The following CCT8 variants were observed in gnomAD, a reference collection of about 807,000 sequenced individuals.
CCT8 encodes chaperonin containing TCP1 subunit 8, also known as T-complex protein 1 subunit theta.
A neutral mutation model predicts 65.7 loss-of-function variants in CCT8; 10 were observed. The ratio of observed to expected loss-of-function variants is 0.15; its 90% CI spans 0.09 to 0.26. CCT8 has a LOEUF of 0.26. Among genes scored for constraint, CCT8 ranks in the 10% least tolerant of loss-of-function variants. CCT8 has a pLI of 1.00. For missense variants in CCT8, 568 were observed against 669.1 expected, an observed-to-expected ratio of 0.85 and a Z score of 1.67; for synonymous variants, 199 against 221.8, an observed-to-expected ratio of 0.90 and a Z score of 0.92.
chr21:29,062,430 C>T lies in CCT8; in HGVS notation c.1009-15G>A, dbSNP rs1374376588. On this transcript the variant is annotated splice_polypyrimidine_tract_variant and intron_variant, in intron 9 of 14. Coordinates refer to ENST00000286788, the MANE Select transcript of CCT8 (RefSeq NM_006585.4). ...ACAGGAGGTGTCTGTAAGAAAGTGACTGTTGTAATAAAAATTCCATCTTGT... is the reference window on the plus strand; with the variant it reads ...ACAGGAGGTGTCTGTAAGAAAGTGATTGTTGTAATAAAAATTCCATCTTGT... 1 of 1,612,028 alleles carries T rather than the reference C, an allele frequency of 6.2e-7. No homozygotes were observed. The highest frequency in any genetic ancestry group is 8.5e-7 in the Non-Finnish European group (1 of 1,178,162).
At chr21:29,057,345 A>C (rs1478043447) in intron 14 of CCT8, among the ~76,000 whole-genome samples, 1 of 151,342 alleles carries the variant, frequency 6.6e-6, no homozygotes, top group Non-Finnish European at 1.5e-5. Context: ...CTAAGTTTTT[A>C]CTTTTAGTAG....
Position 29,073,556 on chromosome 21 carries a change from G to A in CCT8, c.35C>T (p.Ala12Val), listed in dbSNP as rs775205255. ...TTTCGCTCCCTCCTTGAGCATCTGG[G>A]CAAAGCCCGGAGCCTTGGGAACGTG... ...ALHVPKAPGFAQMLKEGAKHF... is the reference protein window; with the variant it reads ...ALHVPKAPGFVQMLKEGAKHF... The change falls in exon 1 of 15, where the codon GCC becomes GTC. Residue 12 changes from alanine (A) to valine (V), a missense_variant. Transcript: ENST00000286788. The A allele has an allele frequency of 2.5e-6, 4 of 1,614,138 alleles. No homozygotes were observed. The South Asian group carries it at 3.3e-5, about 13-fold the overall frequency.
rs1484544028 is a variant in CCT8 at position 29,064,948 on chromosome 21, A to G, written c.762+20T>C. ...AAGTGCAACCCCAATTATTACTTTT[A>G]AGGTTTGAAGTCTACATACCTTAGT... On this transcript the variant is annotated intron_variant, in intron 7 of 14. Coordinates refer to ENST00000286788, the MANE Select transcript of CCT8 (RefSeq NM_006585.4). 3 of 1,609,112 alleles carry G rather than the reference A, an allele frequency of 1.9e-6. No homozygotes were observed. In the Admixed American group the frequency reaches 5.0e-5, roughly 27 times the overall value.
intron 14 of CCT8, among the ~76,000 whole-genome samples, chr21:29,058,593 C>CT (rs71189337): frequency 3.3e-4 from 41 of 125,530 alleles, no homozygotes; most frequent in Admixed American, 1.6e-3. Flanking sequence ...TGTATTTCTT[C>CT]TTTTTTTTTT....
intron 11 of CCT8, 106 bp from the exon 12 acceptor site, chr21:29,061,673 G>C (rs1201366217): frequency 8.9e-7 from 1 of 1,124,824 alleles, no homozygotes; most frequent in Non-Finnish European, 1.3e-6. Flanking sequence ...CCACCAAACA[G>C]GAGTTTTTAT....
At chr21:29,067,179 C>T (rs2085633540) in intron 4 of CCT8, 108 bp from the exon 5 acceptor site, 3 of 800,456 alleles carry the variant, frequency 3.7e-6, no homozygotes, top group Non-Finnish European at 5.8e-6. Context: ...AAAGAATATA[C>T]TTCGGAATAA....
At chr21:29,073,262 G>T in intron 1 of CCT8, 1 of 1,324,868 alleles carries the variant, frequency 7.5e-7, no homozygotes. Flanking sequence ...AAACGCACGC[G>T]CGGCTTCACA....
rs1265494573 is a variant in CCT8, at chr21:29,061,386, T to C, written c.1316A>G (p.Lys439Arg). The C allele has an allele frequency of 2.5e-6, 4 of 1,613,976 alleles. No individual in the cohort carries two copies. The African/African-American group carries it at 5.3e-5, about 22-fold the overall frequency. Residue 439 changes from lysine to arginine, a missense_variant, in exon 13 of 15, where the codon AAG becomes AGG. Physicochemically the swap from Lys to Arg is conservative, Grantham distance 26. Coordinates refer to ENST00000286788, the MANE Select transcript of CCT8 (RefSeq NM_006585.4). ...TCPGLEQYAI[K>R]KFAEAFEAIP... is the part of the protein sequence containing the mutation. The stretch of plus-strand genomic sequence containing the variant: ...AGCTTCAAATGCCTCAGCAAACTTC[T>C]TAATAGCATACTGTTCAAGTCCAGG...
At chr21:29,057,642 A>T (rs1023117861) in intron 14 of CCT8, among the ~76,000 whole-genome samples, 6 of 121,512 alleles carry the variant, frequency 4.9e-5, no homozygotes, top group Admixed American at 2.5e-4. Context: ...TATATATAAC[A>T]TTTGATAATA....
chr21:29,063,446 T>C lies in CCT8; in HGVS notation c.847A>G (p.Ile283Val). 1 of 1,614,100 alleles carries C rather than the reference T, an allele frequency of 6.2e-7. No homozygotes were observed. The highest frequency in any genetic ancestry group is 8.5e-7 in the Non-Finnish European group (1 of 1,179,986). Reference protein sequence around the residue: ...ENLMDAQVKAIADTGANVVVT... With the variant: ...ENLMDAQVKAVADTGANVVVT... ...ACGACATTTGCACCAGTATCAGCAA[T>C]AGCTTTGACTTGTGCATCCATGAGG... The change falls in exon 8 of 15, where the codon ATT becomes GTT. Residue 283 changes from isoleucine (I) to valine (V), a missense_variant. Ile to Val is a conservative substitution (Grantham distance 29). Transcript: ENST00000286788.
chr21:29,062,510 C>T lies in CCT8; in HGVS notation c.988G>A (p.Ala330Thr), dbSNP rs2085575589. 2 of 1,613,926 alleles carry T rather than the reference C, an allele frequency of 1.2e-6. No homozygotes were observed. The highest frequency in any genetic ancestry group is 1.7e-6 in the Non-Finnish European group (2 of 1,179,864). Residue 330 changes from alanine to threonine, a missense_variant, in exon 9 of 15, where the codon GCT becomes ACT. Physicochemically the swap from Ala to Thr is moderately conservative, Grantham distance 58 (BLOSUM62 0). Transcript: ENST00000286788. The part of the protein sequence containing the change: ...DLRRLCKTVG[A>T]TALPRLTPPV... ...CATACCAATCTAGGAAGAGCTGTAG[C>T]ACCAACAGTTTTACAAAGTCTTCGG...
Position 29,062,573 on chromosome 21 carries a change from G to C in CCT8, c.942-17C>G, listed in dbSNP as rs750110241. 6.2e-7 allele frequency: 1 copy of C among 1,603,972 alleles called. No homozygotes were observed. The highest frequency in any genetic ancestry group is 8.5e-7 in the Non-Finnish European group (1 of 1,172,856). On this transcript the variant is annotated splice_polypyrimidine_tract_variant and intron_variant, in intron 8 of 14. Coordinates refer to ENST00000286788, the MANE Select transcript of CCT8 (RefSeq NM_006585.4). The stretch of plus-strand genomic sequence containing the variant: ...GAGTTTAGCCTTTAAAAAACACAAA[G>C]ACCTTAATAAAAGTTTTAATCAATT...
At chr21:29,061,661 C>T in intron 11 of CCT8, 94 bp from the exon 12 acceptor site, 1 of 1,173,064 alleles carries the variant, frequency 8.5e-7, no homozygotes, top group Non-Finnish European at 1.2e-6. Flanking sequence ...CATTCCAGTA[C>T]CCCACCAAAC....
rs2146432503 is a variant in CCT8 at position 29,065,008 on chromosome 21, A to G, written c.722T>C (p.Val241Ala). Residue 241 changes from valine to alanine, a missense_variant, in exon 7 of 15, where the codon GTG (valine) becomes GCG (alanine). Physicochemically the swap from Val to Ala is moderately conservative, Grantham distance 64. Coordinates refer to ENST00000286788, the MANE Select transcript of CCT8 (RefSeq NM_006585.4). ...VTSVKDAKIA[V>A]YSCPFDGMIT... ...CATGCCATCAAAAGGACAAGAGTAC[A>G]CTGCTATTTTTGCATCTTTGACAGA... 2 of 1,613,870 alleles carry G rather than the reference A, an allele frequency of 1.2e-6. No individual in the cohort carries two copies. Among genetic ancestry groups the G allele is most frequent in the African/African-American group, 1.3e-5 (1 of 75,052 alleles).
intron 1 of CCT8, chr21:29,072,069 G>A (rs1042872684): frequency 9.2e-6 from 6 of 653,938 alleles, no homozygotes; most frequent in African/African-American, 5.5e-5. Context: ...GTTAGTCCCT[G>A]AGCCTGGCAT....
In CCT8 at chr21:29,062,506, G is replaced by A. The variant is rs1186589402; in HGVS notation, c.992C>T (p.Thr331Ile). 1.9e-6 allele frequency: 3 copies of A among 1,613,890 alleles called. No homozygotes were observed. Among genetic ancestry groups the A allele is most frequent in the East Asian group, 2.2e-5 (1 of 44,862 alleles). ...AATACATACCAATCTAGGAAGAGCT[G>A]TAGCACCAACAGTTTTACAAAGTCT... is the stretch of plus-strand genomic sequence containing the variant. ...LRRLCKTVGA[T>I]ALPRLTPPVL... The change falls in exon 9 of 15, where the codon ACA becomes ATA. Residue 331 changes from threonine to isoleucine, a missense_variant. Thr to Ile is a moderately conservative substitution (Grantham distance 89, BLOSUM62 -1). Transcript: ENST00000286788.
At chr21:29,059,112 G>A (rs991327266) in intron 14 of CCT8, among the ~76,000 whole-genome samples, 4 of 152,194 alleles carry the variant, frequency 2.6e-5, no homozygotes, top group African/African-American at 4.8e-5. Context: ...CTCAGGTGAT[G>A]TTGATACTAT....
intron 14 of CCT8, among the ~76,000 whole-genome samples, chr21:29,057,797 TATAC>T (rs2085519939): frequency 1.4e-5 from 2 of 147,638 alleles, no homozygotes; most frequent in African/African-American, 5.1e-5. Flanking sequence ...ATGTATGATA[TATAC>T]ATATGTATGA....
chr21:29,071,043 T>TA (rs1050027311), intron 1 of CCT8, among the ~76,000 whole-genome samples: 6 of 152,340 alleles, frequency 3.9e-5, no homozygotes, highest in African/African-American at 1.2e-4. Flanking sequence ...TGGACTTTTT[T>TA]AGAGTTGAGG....
Sources: gnomAD v4.1 joint callset for allele counts (sites outside exome capture counted in the v4.1 genomes callset) on GRCh38, gnomAD v4.1.1 for gene constraint, MANE v1.5 for transcripts, NCBI Gene and HGNC (gene_info 2026-07-23, HGNC 2026-07-21) for gene names.